L3MBTL4: variants seen among roughly 807,000 people sequenced by gnomAD.
L3MBTL4 encodes L3MBTL histone methyl-lysine binding protein 4, also known as lethal(3)malignant brain tumor-like protein 4.
L3MBTL4 carries 70 observed loss-of-function variants against 84.5 expected under a neutral mutation model. That is an observed-to-expected ratio of 0.83 (90% CI 0.68 to 1.01). The LOEUF (loss-of-function observed/expected upper bound fraction) is 1.01. Among genes scored for constraint, L3MBTL4 ranks in the 50% least tolerant of loss-of-function variants. The pLI is 0.00. For missense variants in L3MBTL4, 715 were observed against 754.8 expected, an observed-to-expected ratio of 0.95 and a Z score of 0.62; for synonymous variants, 274 against 259.8, an observed-to-expected ratio of 1.05 and a Z score of -0.52.
chr18:6,364,389 C>A (rs1239084043), intron 1 of L3MBTL4, among the ~76,000 whole-genome samples: 1 of 151,636 alleles, frequency 6.6e-6, no homozygotes, highest in Non-Finnish European at 1.5e-5. Flanking sequence ...ATGCATAATA[C>A]TAAAAGCACC....
chr18:6,084,447 A>C (rs890932962), intron 15 of L3MBTL4, among the ~76,000 whole-genome samples: 1 of 152,194 alleles, frequency 6.6e-6, no homozygotes, highest in African/African-American at 2.4e-5. Flanking sequence ...TAAGTTCAAA[A>C]AACACACGGA....
chr18:6,398,810 A>G (rs1163197621), intron 1 of L3MBTL4, among the ~76,000 whole-genome samples: 1 of 151,970 alleles, frequency 6.6e-6, no homozygotes, highest in African/African-American at 2.4e-5. Context: ...AGTCCATTGT[A>G]GAGGCCCGAA....
chr18:6,123,807 A>C (rs539634029), intron 14 of L3MBTL4, among the ~76,000 whole-genome samples: 1 of 152,324 alleles, frequency 6.6e-6, no homozygotes, highest in East Asian at 1.9e-4. Context: ...GCATTACAAC[A>C]GTTATTCTTA....
At position 5,996,553 on chromosome 18, in the gene L3MBTL4, C is replaced by T. The variant is rs544075945; in HGVS notation, c.1445-26991G>A. ...CTAGCAGCTGTGGCTATGGTAGGTG[C>T]GCTCTGGGGTTCTACTCAGTGTGCT... On this transcript the variant is annotated intron_variant, in intron 16 of 18. Transcript: ENST00000317931. Among the ~76,000 whole-genome samples the T allele has an allele frequency of 2.6e-5, 4 of 152,290 alleles. No individual in the cohort carries two copies. The East Asian group carries it at 5.8e-4, about 22-fold the overall frequency.
intron 4 of L3MBTL4, among the ~76,000 whole-genome samples, chr18:6,274,943 A>C (rs1250540483): frequency 3.3e-5 from 5 of 152,316 alleles, no homozygotes; most frequent in Middle Eastern, 3.4e-3. Context: ...AGCTTAGGAG[A>C]GTGAATTTAT....
rs2052316592 is a variant in L3MBTL4 at position 5,965,646 on chromosome 18, C to T, written c.1614+3747G>A. ...GTACTCACTGGGGTCCCCTAAGTAGCTCCCTTATTTTCAAAGATACAAACA... is the reference window on the plus strand; with the variant it reads ...GTACTCACTGGGGTCCCCTAAGTAGTTCCCTTATTTTCAAAGATACAAACA... On this transcript the variant is annotated intron_variant, in intron 17 of 18. Coordinates refer to ENST00000317931, the MANE Select transcript of L3MBTL4 (RefSeq NM_001330559.2). Among the ~76,000 whole-genome samples, 2 of 152,152 alleles carry T rather than the reference C, an allele frequency of 1.3e-5. 1 individual carries two copies. The highest frequency in any genetic ancestry group is 4.1e-4 in the South Asian group (2 of 4,828).
At chr18:6,136,510 G>A (rs898983644) in intron 14 of L3MBTL4, among the ~76,000 whole-genome samples, 1 of 152,194 alleles carries the variant, frequency 6.6e-6, no homozygotes, top group African/African-American at 2.4e-5. Context: ...ATTGGTTGTA[G>A]ACAGCAACCA....
chr18:6,165,858 A>G (rs1479653768), intron 13 of L3MBTL4, among the ~76,000 whole-genome samples: 1 of 152,256 alleles, frequency 6.6e-6, no homozygotes, highest in East Asian at 1.9e-4. Flanking sequence ...AATCGGCTAA[A>G]TGCTCCAATT....
chr18:6,368,814 G>T (rs901223171), intron 1 of L3MBTL4, among the ~76,000 whole-genome samples: 2 of 152,120 alleles, frequency 1.3e-5, no homozygotes, highest in Admixed American at 6.5e-5. Flanking sequence ...GGCCGAGGCG[G>T]GCAGATCACT....
At chr18:6,031,968 C>A (rs2055824021) in intron 16 of L3MBTL4, 1 of 485,762 alleles carries the variant, frequency 2.1e-6, no homozygotes, top group Non-Finnish European at 2.7e-6. Flanking sequence ...CCCTTTCCAC[C>A]ATTTTTTCTT....
At chr18:6,312,289 TA>T (rs1283826265) in intron 1 of L3MBTL4, among the ~76,000 whole-genome samples, 1 of 152,226 alleles carries the variant, frequency 6.6e-6, no homozygotes, top group Admixed American at 6.5e-5. Flanking sequence ...TATAATTTTT[TA>T]AAACTTTTAA....
intron 16 of L3MBTL4, among the ~76,000 whole-genome samples, chr18:6,039,380 C>G (rs997015043): frequency 6.6e-6 from 1 of 152,080 alleles, no homozygotes. Flanking sequence ...ATGCTAGAGT[C>G]GGCTCTTTAT....
At chr18:6,360,816 C>G (rs989341244) in intron 1 of L3MBTL4, among the ~76,000 whole-genome samples, 3 of 151,728 alleles carry the variant, frequency 2.0e-5, no homozygotes, top group African/African-American at 7.3e-5. Context: ...ATACCAAGAC[C>G]TCATCTCTAC....
chr18:6,046,798 G>T, intron 16 of L3MBTL4: 1 of 758,868 alleles, frequency 1.3e-6, no homozygotes, highest in Non-Finnish European at 2.4e-6. Context: ...ACCTCAAAAA[G>T]TTAGCAAGAT....
At chr18:6,020,305 GAGA>G (rs1282310988) in intron 16 of L3MBTL4, among the ~76,000 whole-genome samples, 1 of 152,034 alleles carries the variant, frequency 6.6e-6, no homozygotes, top group African/African-American at 2.4e-5. Context: ...GGGTGGAGGT[GAGA>G]AGAAGGGGGA....
intron 5 of L3MBTL4, among the ~76,000 whole-genome samples, chr18:6,245,476 T>A (rs1276078269): frequency 1.3e-5 from 2 of 152,194 alleles, no homozygotes; most frequent in Non-Finnish European, 2.9e-5. Flanking sequence ...GTGACTTTGT[T>A]GCAGATAAAC....
chr18:5,966,837 T>C (rs2052375642), intron 17 of L3MBTL4, among the ~76,000 whole-genome samples: 2 of 152,310 alleles, frequency 1.3e-5, no homozygotes, highest in South Asian at 4.2e-4. Context: ...AGTACTAAAC[T>C]GTTTAGTGCT....
intron 3 of L3MBTL4, among the ~76,000 whole-genome samples, chr18:6,304,263 T>A (rs1267609006): frequency 6.6e-6 from 1 of 152,190 alleles, no homozygotes; most frequent in Non-Finnish European, 1.5e-5. Context: ...TTGTCTTTCA[T>A]CCCCAAAACA....
intron 4 of L3MBTL4, among the ~76,000 whole-genome samples, chr18:6,283,505 CTATT>C (rs2146607126): frequency 6.6e-6 from 1 of 152,180 alleles, no homozygotes; most frequent in Admixed American, 6.5e-5. Flanking sequence ...TTAATTAAAA[CTATT>C]TAATTCTCTA....
Sources: gnomAD v4.1 joint callset for allele counts (sites outside exome capture counted in the v4.1 genomes callset) on GRCh38, gnomAD v4.1.1 for gene constraint, MANE v1.5 for transcripts, NCBI Gene and HGNC (gene_info 2026-07-23, HGNC 2026-07-21) for gene names.